The following PTPRC variants were observed in gnomAD, a reference collection of about 807,000 sequenced individuals.
The protein encoded by PTPRC is protein tyrosine phosphatase receptor type C.
Under a neutral mutation model 155.9 loss-of-function variants are expected in PTPRC, and 44 were observed. The observed-to-expected ratio is 0.28, with a 90% CI of 0.22 to 0.36. The LOEUF (loss-of-function observed/expected upper bound fraction) is 0.36, where lower values mean the gene tolerates loss of function less well. Among genes scored for constraint, PTPRC ranks in the 10% least tolerant of loss-of-function variants. PTPRC has a pLI of 1.00. For missense variants in PTPRC, 1,401 were observed against 1,564.6 expected (o/e 0.90, Z 1.76); for synonymous variants, 525 against 533.1 (o/e 0.98, Z 0.21).
intron 4 of PTPRC, among the ~76,000 whole-genome samples, chr1:198,697,113 G>A (rs1040322329): frequency 2.0e-5 from 3 of 152,174 alleles, no homozygotes; most frequent in Non-Finnish European, 4.4e-5. Context: ...AGTGGAGAGA[G>A]AAAAGAAGGG....
intron 2 of PTPRC, among the ~76,000 whole-genome samples, chr1:198,674,933 A>T (rs906453002): frequency 1.3e-5 from 2 of 152,120 alleles, no homozygotes; most frequent in Non-Finnish European, 2.9e-5. Context: ...CATTTTTCCA[A>T]TATTGTTCTT....
chr1:198,723,996 G>A (rs1457398699), intron 15 of PTPRC, among the ~76,000 whole-genome samples: 2 of 152,180 alleles, frequency 1.3e-5, no homozygotes, highest in African/African-American at 4.8e-5. Flanking sequence ...TTCCCATGAG[G>A]ACAATAGAGT....
chr1:198,713,186 G>A lies in PTPRC; in HGVS notation c.1291+114G>A, dbSNP rs1158887894. On this transcript the variant is annotated intron_variant, in intron 12 of 32. Coordinates refer to ENST00000442510, the MANE Select transcript of PTPRC (RefSeq NM_002838.5). ...AGCTCTCTGCTTAGAGACTGCATAG[G>A]CATAGTATACTCCCTGATCTTAGAA... 16 of 1,439,772 alleles carry A rather than the reference G, an allele frequency of 1.1e-5. No homozygotes were observed. The East Asian group carries it at 3.2e-4, about 29-fold the overall frequency. 89.2% of individuals were successfully genotyped at this position (1,439,772 alleles called of 1,614,324 possible). A position where few individuals can be genotyped will look rare whatever the true frequency, so the allele number is the denominator to read the frequency against.
Position 198,741,955 on chromosome 1 carries a change from G to T in PTPRC, c.2490G>T (p.Leu830Phe). The change falls in exon 24 of 33, where the codon TTG (leucine) becomes TTT (phenylalanine). Residue 830 changes from leucine (L) to phenylalanine (F), a missense_variant. Leu to Phe is a conservative substitution (Grantham distance 22). Transcript: ENST00000442510. ...PDHGVPEDPH[L>F]LLKLRRRVNA... is the part of the protein sequence containing the mutation. ...ACGGGGTGCCTGAGGATCCTCACTT[G>T]CTCCTCAAACTGAGAAGGAGAGTGA... 5.6e-6 allele frequency: 9 copies of T among 1,612,080 alleles called. No homozygotes were observed. The highest frequency in any genetic ancestry group is 7.6e-6 in the Non-Finnish European group (9 of 1,178,992).
intron 25 of PTPRC, among the ~76,000 whole-genome samples, chr1:198,743,799 A>G (rs1412831138): frequency 6.6e-6 from 1 of 151,880 alleles, no homozygotes. Context: ...AAGTTGTGCA[A>G]TACAGAGTAC....
At chr1:198,677,763 C>A (rs6676408) in intron 2 of PTPRC, among the ~76,000 whole-genome samples, 6,141 of 152,190 alleles carry the variant, frequency 0.04, 389 homozygotes, top group African/African-American at 0.13. Context: ...ATTACTATGT[C>A]TAATCCTCAT....
At chr1:198,640,206 A>T (rs1662498469) in intron 2 of PTPRC, among the ~76,000 whole-genome samples, 1 of 152,008 alleles carries the variant, frequency 6.6e-6, no homozygotes, top group African/African-American at 2.4e-5. Context: ...ATTTCAATAG[A>T]TTATAGAATG....
chr1:198,672,091 G>C (rs1012570167), intron 2 of PTPRC, among the ~76,000 whole-genome samples: 2 of 152,248 alleles, frequency 1.3e-5, no homozygotes, highest in African/African-American at 4.8e-5. Context: ...GTTACATCTG[G>C]GTTGGTCAAA....
At chr1:198,679,998 C>T in intron 2 of PTPRC, 1 of 612,296 alleles carries the variant, frequency 1.6e-6, no homozygotes, top group Non-Finnish European at 2.9e-6. Flanking sequence ...CGTCCACTTC[C>T]TGCAGGCTCA....
At chr1:198,708,380 G>A (rs1653112335) in intron 10 of PTPRC, 119 bp downstream of exon 10, 1 of 992,408 alleles carries the variant, frequency 1.0e-6, no homozygotes, top group South Asian at 1.7e-5. Flanking sequence ...TTCTCCCTCT[G>A]TTTGTCTTTT....
intron 2 of PTPRC, among the ~76,000 whole-genome samples, chr1:198,661,339 A>G (rs1406681412): frequency 1.3e-5 from 2 of 150,030 alleles, no homozygotes; most frequent in African/African-American, 2.4e-5. Context: ...ATAAATCAAT[A>G]TATTAATATA....
chr1:198,676,607 A>G (rs568571597), intron 2 of PTPRC, among the ~76,000 whole-genome samples: 48 of 152,284 alleles, frequency 3.2e-4, no homozygotes, highest in African/African-American at 1.1e-3. Flanking sequence ...CACAGGTGAC[A>G]GGTCATTGGA....
At chr1:198,659,556 T>G (rs77920376) in intron 2 of PTPRC, among the ~76,000 whole-genome samples, 1 of 150,642 alleles carries the variant, frequency 6.6e-6, no homozygotes, top group African/African-American at 2.5e-5. Context: ...TTTTTTTTTT[T>G]GCTTTTTTTT....
At chr1:198,751,474 T>G (rs180844486) in intron 29 of PTPRC, among the ~76,000 whole-genome samples, 2 of 152,096 alleles carry the variant, frequency 1.3e-5, no homozygotes, top group Admixed American at 1.3e-4. Context: ...CCCCTAAATC[T>G]CACTCTTTCT....
intron 2 of PTPRC, among the ~76,000 whole-genome samples, chr1:198,641,407 A>G (rs967575714): frequency 6.6e-6 from 1 of 152,056 alleles, no homozygotes; most frequent in Non-Finnish European, 1.5e-5. Context: ...TTGGGGAACA[A>G]AATTTATATT....
chr1:198,740,937 A>C (rs968839407), intron 23 of PTPRC, among the ~76,000 whole-genome samples: 1 of 151,888 alleles, frequency 6.6e-6, no homozygotes, highest in African/African-American at 2.4e-5. Context: ...TATTTTCTAC[A>C]GGAGAAACAG....
At chr1:198,652,353 A>G (rs574616644) in intron 2 of PTPRC, among the ~76,000 whole-genome samples, 1 of 151,882 alleles carries the variant, frequency 6.6e-6, no homozygotes, top group Admixed American at 6.6e-5. Flanking sequence ...TAACACAAAC[A>G]CTGTATTAGT....
intron 10 of PTPRC, 117 bp downstream of exon 10, chr1:198,708,378 CTGTT>C (rs1653112200): frequency 6.9e-6 from 7 of 1,007,438 alleles, no homozygotes; most frequent in Non-Finnish European, 7.1e-6. Context: ...TGTTCTCCCT[CTGTT>C]TGTCTTTTTT....
intron 2 of PTPRC, among the ~76,000 whole-genome samples, chr1:198,654,295 A>T (rs2102225787): frequency 6.6e-6 from 1 of 151,980 alleles, no homozygotes; most frequent in South Asian, 2.1e-4. Context: ...GTCAGATTAA[A>T]ATTCTTTTTG....
Sources: gnomAD v4.1 joint callset for allele counts (sites outside exome capture counted in the v4.1 genomes callset) on GRCh38, gnomAD v4.1.1 for gene constraint, MANE v1.5 for transcripts, NCBI Gene and HGNC (gene_info 2026-07-23, HGNC 2026-07-21) for gene names.